AKAP19: variants seen among roughly 807,000 people sequenced by gnomAD.
AKAP19 encodes small A-kinase anchoring protein.
the AKAP19 span, among the ~76,000 whole-genome samples, chr2:190,142,034 A>G: frequency 0.91 from 138,706 of 152,200 alleles, 64,111 homozygotes; most frequent in East Asian, 1. Context: ...GTGCATATTC[A>G]AAAATGAGTT....
chr2:190,104,589 A>C, the AKAP19 span, among the ~76,000 whole-genome samples: 1 of 152,088 alleles, frequency 6.6e-6, no homozygotes, highest in Non-Finnish European at 1.5e-5. Flanking sequence ...CAGGAGTTTG[A>C]GACCAGGCTG....
At chr2:190,167,771 T>C in the AKAP19 span, among the ~76,000 whole-genome samples, 102 of 152,330 alleles carry the variant, frequency 6.7e-4, no homozygotes, top group African/African-American at 2.5e-3. Flanking sequence ...GTCATGCTAA[T>C]GCAAGAAGTG....
At chr2:189,900,737 G>T in the AKAP19 span, among the ~76,000 whole-genome samples, 4 of 152,096 alleles carry the variant, frequency 2.6e-5, no homozygotes. Context: ...GCAGTAAAAA[G>T]AATTTACCAA....
the AKAP19 span, chr2:190,200,231 CAAATAACTATCTGGATTTAA>C: frequency 9.3e-7 from 1 of 1,079,624 alleles, no homozygotes; most frequent in East Asian, 2.4e-5. Flanking sequence ...TGAAAAAGTA[CAAATAACTATCTGGATTTAA>C]AAATGTGTCT....
the AKAP19 span, among the ~76,000 whole-genome samples, chr2:189,896,202 A>G: frequency 6.6e-6 from 1 of 152,076 alleles, no homozygotes; most frequent in South Asian, 2.1e-4. Context: ...TAAAGCATAT[A>G]TATTTTTTCA....
At chr2:189,970,232 A>G in the AKAP19 span, among the ~76,000 whole-genome samples, 1 of 152,154 alleles carries the variant, frequency 6.6e-6, no homozygotes, top group Non-Finnish European at 1.5e-5. Context: ...AATATGCTAT[A>G]TGTCTAGCAT....
At chr2:189,912,425 C>A in the AKAP19 span, among the ~76,000 whole-genome samples, 2 of 152,104 alleles carry the variant, frequency 1.3e-5, no homozygotes, top group East Asian at 3.9e-4. Flanking sequence ...CCTATAATCC[C>A]AGCTACTGGG....
At chr2:189,960,676 A>G in the AKAP19 span, among the ~76,000 whole-genome samples, 3 of 152,080 alleles carry the variant, frequency 2.0e-5, no homozygotes, top group Non-Finnish European at 4.4e-5. Flanking sequence ...TGGCAGAGAC[A>G]CACTGTATTT....
chr2:190,021,873 G>A, the AKAP19 span, among the ~76,000 whole-genome samples: 2 of 152,124 alleles, frequency 1.3e-5, no homozygotes. Context: ...GTTTATAAAA[G>A]AACAAAATAA....
At chr2:189,957,387 T>G in the AKAP19 span, among the ~76,000 whole-genome samples, 1 of 152,212 alleles carries the variant, frequency 6.6e-6, no homozygotes, top group Admixed American at 6.5e-5. Flanking sequence ...ATGTGTGCTT[T>G]GCAACCAATC....
the AKAP19 span, among the ~76,000 whole-genome samples, chr2:190,176,591 G>A: frequency 1.3e-5 from 2 of 152,166 alleles, no homozygotes; most frequent in African/African-American, 4.8e-5. This position sits in a 1 kb window ranked among gnomAD's most constrained non-coding sequence, Gnocchi z 4.7. Flanking sequence ...CTCGTGATCT[G>A]CCTGCCTTGG....
At chr2:190,195,941 C>CTTTTTTTTT in the AKAP19 span, among the ~76,000 whole-genome samples, 3 of 86,210 alleles carry the variant, frequency 3.5e-5, no homozygotes, top group South Asian at 4.5e-4. Context: ...CTGTGTCCAG[C>CTTTTTTTTT]TTTTTTTTTT....
At chr2:190,075,265 A>G in the AKAP19 span, among the ~76,000 whole-genome samples, 1 of 152,136 alleles carries the variant, frequency 6.6e-6, no homozygotes, top group Non-Finnish European at 1.5e-5. Context: ...GGTATTATTT[A>G]TATCATTTTA....
chr2:189,995,449 G>C, the AKAP19 span, among the ~76,000 whole-genome samples: 1 of 152,110 alleles, frequency 6.6e-6, no homozygotes, highest in East Asian at 1.9e-4. Flanking sequence ...CTCACTTTTG[G>C]TTTCCATTTG....
At chr2:190,179,179 G>A in the AKAP19 span, among the ~76,000 whole-genome samples, 5 of 152,256 alleles carry the variant, frequency 3.3e-5, no homozygotes, top group South Asian at 1.0e-3. The surrounding 1 kb of genome is among the most constrained non-coding windows in gnomAD (Gnocchi z 6.0). Context: ...AAGCCAAGGC[G>A]GATGGATCAC....
At chr2:190,141,259 C>G in the AKAP19 span, among the ~76,000 whole-genome samples, 1 of 152,178 alleles carries the variant, frequency 6.6e-6, no homozygotes, top group Non-Finnish European at 1.5e-5. Flanking sequence ...TGGAACCCTC[C>G]AAACTGTTCC....
chr2:190,023,927 A>G, the AKAP19 span, among the ~76,000 whole-genome samples: 6 of 151,686 alleles, frequency 4.0e-5, no homozygotes, highest in African/African-American at 1.5e-4. Context: ...TTAGATGTTT[A>G]GTGAAAGACT....
the AKAP19 span, among the ~76,000 whole-genome samples, chr2:190,038,757 C>T: frequency 0.01 from 1,537 of 152,230 alleles, 24 homozygotes; most frequent in African/African-American, 0.035. Flanking sequence ...CGTGGCTTAC[C>T]CTTAATGACC....
the AKAP19 span, among the ~76,000 whole-genome samples, chr2:189,905,529 T>G: frequency 1.3e-5 from 2 of 152,000 alleles, no homozygotes; most frequent in Admixed American, 1.3e-4. Context: ...AAAGGAAATT[T>G]TATCCTTTTG....
Sources: allele counts gnomAD v4.1 joint callset (sites outside exome capture counted in the v4.1 genomes callset), GRCh38; gene constraint gnomAD v4.1.1; non-coding constraint Gnocchi (gnomAD v3.1); transcripts MANE v1.5; gene names NCBI Gene and HGNC (gene_info 2026-07-23, HGNC 2026-07-21).